Variants in FMN1 observed in about 807,000 individuals in gnomAD.
FMN1 encodes the protein formin-1.
FMN1 carries 110 observed loss-of-function variants against 132.4 expected under a neutral mutation model. The observed-to-expected ratio is 0.83, with a 90% CI of 0.71 to 0.97. FMN1 has a LOEUF of 0.97. Among genes scored for constraint, FMN1 ranks in the 50% least tolerant of loss-of-function variants. FMN1 has a pLI of 0.00. For missense variants in FMN1, 1,792 were observed against 1,705.3 expected, an observed-to-expected ratio of 1.05 and a Z score of -0.90; for synonymous variants, 722 against 651.7, an observed-to-expected ratio of 1.11 and a Z score of -1.64.
At position 32,910,520 on chromosome 15, in the gene FMN1, T is replaced by A. The variant is rs1567375374; in HGVS notation, c.3242A>T (p.Asp1081Val). ...GGTCTCCAGATCAACCACGGAGTCA[T>A]CCACATTGAAAATGGCTGCCAAGCA... The part of the protein sequence containing the change: ...KDIQQAIFNV[D>V]DSVVDLETLA... The change falls in exon 11 of 21, where the codon GAT becomes GTT. Residue 1081 changes from aspartate to valine, a missense_variant. Asp to Val is a radical substitution (Grantham distance 152, BLOSUM62 -3). Transcript: ENST00000616417. The A allele has an allele frequency of 6.4e-7, 1 of 1,574,634 alleles. No individual in the cohort carries two copies. Among genetic ancestry groups the A allele is most frequent in the African/African-American group, 1.4e-5 (1 of 74,022 alleles).
intron 4 of FMN1, among the ~76,000 whole-genome samples, chr15:33,094,884 C>T (rs937138301): frequency 6.6e-6 from 1 of 152,022 alleles, no homozygotes; most frequent in African/African-American, 2.4e-5. Flanking sequence ...GGATAGAGCA[C>T]CTAGGTAAGT....
rs374954939 is a variant in FMN1 at position 33,083,199 on chromosome 15, T to C, written c.2043+5600A>G. Among the ~76,000 whole-genome samples, 17 of 152,336 alleles carry C rather than the reference T, an allele frequency of 1.1e-4. No individual in the cohort carries two copies. In the South Asian group the frequency reaches 3.1e-3, roughly 28 times the overall value. ...AAAACCCTCGTAACTTCTTAAGTGATAAGAGCCATAGAAGTAGTAATAATA... is the reference window on the plus strand; with the variant it reads ...AAAACCCTCGTAACTTCTTAAGTGACAAGAGCCATAGAAGTAGTAATAATA... On this transcript the variant is annotated intron_variant, in intron 5 of 20. Coordinates refer to ENST00000616417, the MANE Select transcript of FMN1 (RefSeq NM_001277313.2).
At chr15:32,962,704 A>G (rs1199166596) in intron 9 of FMN1, among the ~76,000 whole-genome samples, 2 of 149,028 alleles carry the variant, frequency 1.3e-5, no homozygotes, top group African/African-American at 5.0e-5. Context: ...ACACTTCTCA[A>G]AAGAAGACAT....
chr15:32,966,410 C>CT (rs2031232882), intron 8 of FMN1, among the ~76,000 whole-genome samples: 1 of 152,112 alleles, frequency 6.6e-6, no homozygotes, highest in Admixed American at 6.5e-5. Flanking sequence ...TAAGGACGTG[C>CT]TTCCCAACGA....
chr15:32,815,092 G>A (rs1000357658), intron 17 of FMN1, among the ~76,000 whole-genome samples: 52 of 151,956 alleles, frequency 3.4e-4, no homozygotes, highest in Admixed American at 7.9e-4. Flanking sequence ...ACAGGTGCCC[G>A]CCACCACGCC....
chr15:33,066,085 C>T (rs140958080), intron 5 of FMN1, among the ~76,000 whole-genome samples: 1 of 152,292 alleles, frequency 6.6e-6, no homozygotes, highest in East Asian at 1.9e-4. Flanking sequence ...AATCACACCA[C>T]AAACACATAT....
At chr15:32,990,330 T>C (rs1015658270) in intron 7 of FMN1, among the ~76,000 whole-genome samples, 3 of 152,050 alleles carry the variant, frequency 2.0e-5, no homozygotes, top group African/African-American at 2.4e-5. Flanking sequence ...AGAAAAAAAC[T>C]GCAGAATTCG....
intron 4 of FMN1, among the ~76,000 whole-genome samples, chr15:33,127,872 C>A (rs991841051): frequency 6.6e-6 from 1 of 152,106 alleles, no homozygotes; most frequent in Non-Finnish European, 1.5e-5. Context: ...AGTGCTGTTT[C>A]CGAGGAATCT....
In FMN1 at chr15:33,027,280, A is replaced by G. The variant is rs563741712; in HGVS notation, c.2162-19205T>C. The stretch of plus-strand genomic sequence containing the variant: ...TATTTTCTATTTTAATTTAGAAAAT[A>G]AAAGTACAGGGTGCTCAGTTAAATG... On this transcript the variant is annotated intron_variant, in intron 6 of 20. Transcript: ENST00000616417. Among the ~76,000 whole-genome samples, 7 of 152,258 alleles carry G rather than the reference A, an allele frequency of 4.6e-5. No homozygotes were observed. In the South Asian group the frequency reaches 1.5e-3, roughly 32 times the overall value.
chr15:32,890,027 G>A (rs1328121364), intron 15 of FMN1, among the ~76,000 whole-genome samples: 1 of 152,186 alleles, frequency 6.6e-6, no homozygotes, highest in Non-Finnish European at 1.5e-5. Flanking sequence ...ACGATGTTTG[G>A]TTTTCCATTC....
chr15:32,900,102 C>T lies in FMN1; in HGVS notation c.3531G>A (p.Val1177=), dbSNP rs1437830746. Residue 1177 remains valine, a synonymous_variant, in exon 14 of 21, where the codon GTG becomes GTA. Transcript: ENST00000616417. ...ASKDLLHVKS[V]KDILALILAF... ...CCAAGATGAGAGCTAAAATATCCTTCACGCTCTTCACGTGCAGCAAGTCCT... is the reference window on the plus strand; with the variant it reads ...CCAAGATGAGAGCTAAAATATCCTTTACGCTCTTCACGTGCAGCAAGTCCT... 3.7e-6 allele frequency: 6 copies of T among 1,613,724 alleles called. No individual in the cohort carries two copies. In the Admixed American group the frequency reaches 6.7e-5, roughly 18 times the overall value.
intron 9 of FMN1, among the ~76,000 whole-genome samples, chr15:32,928,515 T>G (rs1824942109): frequency 6.6e-6 from 1 of 152,172 alleles, no homozygotes; most frequent in Non-Finnish European, 1.5e-5. Context: ...TGGCATTGCT[T>G]TGTATTCTGG....
At chr15:32,921,732 A>C (rs1271257120) in intron 10 of FMN1, among the ~76,000 whole-genome samples, 1 of 148,284 alleles carries the variant, frequency 6.7e-6, no homozygotes, top group African/African-American at 2.5e-5. Context: ...GCTGGAGTAC[A>C]GTGGCGTGAT....
chr15:32,792,742 T>C (rs982927013), intron 19 of FMN1, among the ~76,000 whole-genome samples: 2 of 152,054 alleles, frequency 1.3e-5, no homozygotes, highest in African/African-American at 4.8e-5. Flanking sequence ...TATTTAATAT[T>C]AAAAGGAAAG....
chr15:32,910,441 G>A, intron 11 of FMN1, 33 bp downstream of exon 11: 1 of 1,507,116 alleles, frequency 6.6e-7, no homozygotes, highest in Non-Finnish European at 9.1e-7. Flanking sequence ...GATAAATATG[G>A]AAATACTAGC....
At position 32,996,898 on chromosome 15, in the gene FMN1, C is replaced by T. The variant is rs1411377634; in HGVS notation, c.2223+11116G>A. The stretch of plus-strand genomic sequence containing the variant: ...CCCCATAGGCCTGTTAAGGAATCAG[C>T]AGTGTTGGGTATCAGGGACTATACT... On this transcript the variant is annotated intron_variant, in intron 7 of 20. Transcript: ENST00000616417. 3.3e-5 allele frequency among the ~76,000 whole-genome samples: 5 copies of T among 152,222 alleles called. 1 individual carries two copies. In the South Asian group the frequency reaches 6.2e-4, roughly 19 times the overall value.
intron 4 of FMN1, among the ~76,000 whole-genome samples, chr15:33,105,391 T>C (rs935648871): frequency 6.6e-6 from 1 of 151,774 alleles, no homozygotes; most frequent in Non-Finnish European, 1.5e-5. Context: ...TTGTAGGGGA[T>C]TTGGTGGGGT....
At chr15:33,026,513 TCAAA>T (rs2035684129) in intron 6 of FMN1, among the ~76,000 whole-genome samples, 1 of 151,348 alleles carries the variant, frequency 6.6e-6, no homozygotes, top group Admixed American at 6.6e-5. Context: ...GAATGTACAC[TCAAA>T]CAATATATAA....
intron 17 of FMN1, among the ~76,000 whole-genome samples, chr15:32,833,639 T>G (rs1029839136): frequency 3.9e-5 from 6 of 152,216 alleles, no homozygotes; most frequent in African/African-American, 1.4e-4. Flanking sequence ...GTCTGAACAC[T>G]TCTCTGAAAC....
Sources: allele counts gnomAD v4.1 joint callset (sites outside exome capture counted in the v4.1 genomes callset), GRCh38; gene constraint gnomAD v4.1.1; transcripts MANE v1.5; gene names NCBI Gene and HGNC (gene_info 2026-07-23, HGNC 2026-07-21).